Variants in CD163L1 observed in about 807,000 individuals in gnomAD.
The protein encoded by CD163L1 is scavenger receptor cysteine-rich type 1 protein M160.
CD163L1 carries 124 observed loss-of-function variants against 165.4 expected under a neutral mutation model. The ratio of observed to expected loss-of-function variants is 0.75; its 90% CI spans 0.65 to 0.87. CD163L1 has a LOEUF of 0.87. CD163L1 is among the 40% of genes least tolerant of loss of function. CD163L1 has a pLI of 0.00. For missense variants in CD163L1, 1,525 were observed against 1,799.9 expected (o/e 0.85, Z 2.76); for synonymous variants, 585 against 662.2 (o/e 0.88, Z 1.79).
At chr12:7,438,942 C>A (rs1447215760) in intron 2 of CD163L1, 2 of 1,606,580 alleles carry the variant, frequency 1.2e-6, no homozygotes, top group Non-Finnish European at 1.7e-6. Flanking sequence ...TCTAAGAATG[C>A]GTTCTTGTTC....
chr12:7,329,290 T>C, the CD163L1 span, among the ~76,000 whole-genome samples: 1 of 149,240 alleles, frequency 6.7e-6, no homozygotes, highest in Non-Finnish European at 1.5e-5. Context: ...TTTTTCTTTT[T>C]TTTTTTTCAG....
In CD163L1 at chr12:7,368,150, C is replaced by T; in HGVS notation, c.4120G>A (p.Val1374Ile). The change falls in exon 17 of 20, where the codon GTT becomes ATT. Residue 1374 changes from valine to isoleucine, a missense_variant. By Grantham distance (29) the Val-to-Ile change is conservative. Coordinates refer to ENST00000313599, the MANE Select transcript of CD163L1 (RefSeq NM_174941.6). The surrounding 1 kb of genome is among the most constrained non-coding windows in gnomAD (Gnocchi z 4.3). ...CACGTGAGAAATAGAATAAACAGAACCAGGAGAAGGAGCCCAAAGATACTG... is the reference window on the plus strand; with the variant it reads ...CACGTGAGAAATAGAATAAACAGAATCAGGAGAAGGAGCCCAAAGATACTG... ...LSSIFGLLLL[V>I]LFILFLTWCR... 1 of 1,612,392 alleles carries T rather than the reference C, an allele frequency of 6.2e-7. No homozygotes were observed. The highest frequency in any genetic ancestry group is 8.5e-7 in the Non-Finnish European group (1 of 1,178,680).
At chr12:7,439,727 C>A (rs1591976646) in intron 2 of CD163L1, 2 of 1,610,528 alleles carry the variant, frequency 1.2e-6, no homozygotes, top group East Asian at 4.5e-5. Context: ...TCCCAGGTAT[C>A]GTCATCCGAT....
At position 7,375,707 on chromosome 12, in the gene CD163L1, G is replaced by A. The variant is rs772859138; in HGVS notation, c.2679C>T (p.Val893=). ...TCIHSREVGV[V]CSRYTDVRLV... Reference sequence around the variant, plus strand: ...ATTATTTAAAAATCTCACGGGAACAGACAACTCCAACTTCTCTGCTGTGGA... The same window carrying A: ...ATTATTTAAAAATCTCACGGGAACAAACAACTCCAACTTCTCTGCTGTGGA... The change falls in exon 10 of 20, where the codon GTC becomes GTT. Residue 893 remains valine (V), a synonymous_variant. Coordinates refer to ENST00000313599, the MANE Select transcript of CD163L1 (RefSeq NM_174941.6). The A allele has an allele frequency of 6.2e-7, 1 of 1,613,932 alleles. No individual in the cohort carries two copies. The highest frequency in any genetic ancestry group is 1.7e-5 in the Admixed American group (1 of 60,002).
chr12:7,322,367 G>C, the CD163L1 span: 3 of 1,610,744 alleles, frequency 1.9e-6, no homozygotes, highest in African/African-American at 2.7e-5. Flanking sequence ...GTCTTGCAGT[G>C]AAAGCACTCA....
At chr12:7,366,992 T>C (rs1947035041) in intron 18 of CD163L1, among the ~76,000 whole-genome samples, 1 of 152,190 alleles carries the variant, frequency 6.6e-6, no homozygotes, top group African/African-American at 2.4e-5. Flanking sequence ...TTAGTCTTCT[T>C]TGCTTGGTGC....
At chr12:7,361,971 T>C (rs1251683805) in intron 18 of CD163L1, among the ~76,000 whole-genome samples, 1 of 151,924 alleles carries the variant, frequency 6.6e-6, no homozygotes, top group Middle Eastern at 3.4e-3. Context: ...ATGAATTTGA[T>C]TGCTCTATGT....
the CD163L1 span, chr12:7,323,502 G>T: frequency 6.2e-7 from 1 of 1,613,850 alleles, no homozygotes; most frequent in South Asian, 1.1e-5. Context: ...GGCAAAGAAG[G>T]GGAAATTGCC....
chr12:7,396,685 G>T (rs971787039), intron 7 of CD163L1, among the ~76,000 whole-genome samples: 1 of 152,110 alleles, frequency 6.6e-6, no homozygotes, highest in Non-Finnish European at 1.5e-5. Context: ...TTCTACCTCC[G>T]CACTTTCTTG....
At chr12:7,323,339 G>A in the CD163L1 span, 2 of 1,602,360 alleles carry the variant, frequency 1.2e-6, no homozygotes, top group Admixed American at 1.7e-5. Context: ...TATCTGACTG[G>A]TTCAGTAAAG....
At chr12:7,331,102 C>G in the CD163L1 span, among the ~76,000 whole-genome samples, 1 of 152,338 alleles carries the variant, frequency 6.6e-6, no homozygotes, top group African/African-American at 2.4e-5. Flanking sequence ...CTGCACTTTT[C>G]CAATGGGCTT....
intron 4 of CD163L1, among the ~76,000 whole-genome samples, chr12:7,422,989 T>G (rs1382204526): frequency 6.6e-6 from 1 of 151,924 alleles, no homozygotes; most frequent in Non-Finnish European, 1.5e-5. Flanking sequence ...CTAATAGATA[T>G]CTACAAAACT....
At chr12:7,341,427 T>C in the CD163L1 span, among the ~76,000 whole-genome samples, 1 of 152,196 alleles carries the variant, frequency 6.6e-6, no homozygotes, top group East Asian at 1.9e-4. Flanking sequence ...CTCTTTTCCA[T>C]TTTTTTGTGT....
intron 4 of CD163L1, among the ~76,000 whole-genome samples, chr12:7,415,233 T>G (rs971335675): frequency 6.6e-6 from 1 of 152,090 alleles, no homozygotes; most frequent in African/African-American, 2.4e-5. Flanking sequence ...GGGAGTTAAG[T>G]TGTTATCAAC....
chr12:7,340,793 C>G, the CD163L1 span, among the ~76,000 whole-genome samples: 1 of 152,190 alleles, frequency 6.6e-6, no homozygotes, highest in Non-Finnish European at 1.5e-5. Context: ...TGACCAAGAG[C>G]ATTTCAGAGA....
Position 7,398,445 on chromosome 12 carries a change from T to A in CD163L1, c.1548A>T (p.Gln516His). Residue 516 changes from glutamine to histidine, a missense_variant, in exon 7 of 20, where the codon CAA becomes CAT. Transcript: ENST00000313599. This position sits in a 1 kb window ranked among gnomAD's most constrained non-coding sequence, Gnocchi z 4.5. ...STRNAAVVCK[Q>H]LGCGKPLHVF... ...CATGCAAAGGCTTTCCACATCCCAA[T>A]TGTTTACAAACAACAGCTGCATTCC... 6.2e-7 allele frequency: 1 copy of A among 1,614,126 alleles called. No homozygotes were observed. Among genetic ancestry groups the A allele is most frequent in the Non-Finnish European group, 8.5e-7 (1 of 1,180,006 alleles).
chr12:7,344,308 C>T (rs989905128), downstream of CD163L1, among the ~76,000 whole-genome samples: 2 of 152,044 alleles, frequency 1.3e-5, no homozygotes, highest in Non-Finnish European at 2.9e-5. Context: ...TCTTTGTTCA[C>T]CTCTCTCAAC....
At chr12:7,434,674 GAA>G (rs1353423746) in intron 2 of CD163L1, among the ~76,000 whole-genome samples, 1 of 151,520 alleles carries the variant, frequency 6.6e-6, no homozygotes, top group Non-Finnish European at 1.5e-5. Context: ...TGAAAAAAGA[GAA>G]AGAAAAAGAA....
chr12:7,370,915 C>A (rs749655573), intron 14 of CD163L1, among the ~76,000 whole-genome samples: 1 of 152,118 alleles, frequency 6.6e-6, no homozygotes, highest in Non-Finnish European at 1.5e-5. Context: ...GTATCCCCAC[C>A]CAAATCTCAA....
Sources: allele counts gnomAD v4.1 joint callset (sites outside exome capture counted in the v4.1 genomes callset), GRCh38; gene constraint gnomAD v4.1.1; non-coding constraint Gnocchi (gnomAD v3.1); transcripts MANE v1.5; gene names NCBI Gene and HGNC (gene_info 2026-07-23, HGNC 2026-07-21).